The following DCBLD2 variants were observed in gnomAD, a reference collection of about 807,000 sequenced individuals.
The protein encoded by DCBLD2 is discoidin, CUB and LCCL domain containing 2.
Under a neutral mutation model 86.8 loss-of-function variants are expected in DCBLD2, and 54 were observed. The observed-to-expected ratio is 0.62, with a 90% CI of 0.50 to 0.78. The LOEUF is 0.78. Among genes scored for constraint, DCBLD2 ranks in the 30% least tolerant of loss-of-function variants. The probability of loss-of-function intolerance (pLI) is 0.00; values close to 1 mark genes in which losing one functional copy is unlikely to be tolerated. For missense variants in DCBLD2, 908 were observed against 954.2 expected (o/e 0.95, Z 0.64); for synonymous variants, 354 against 341.3 (o/e 1.04, Z -0.41).
intron 2 of DCBLD2, among the ~76,000 whole-genome samples, chr3:98,870,682 T>G (rs1397354010): frequency 8.5e-4 from 66 of 77,428 alleles, no homozygotes; most frequent in Admixed American, 1.6e-3. Context: ...GAGAGAGAAA[T>G]AGAGAAAGAA....
intron 2 of DCBLD2, among the ~76,000 whole-genome samples, chr3:98,870,736 A>AGAAAGAAAGAAAGAAAGAAAG (rs1943250939): frequency 1.2e-5 from 1 of 84,614 alleles, no homozygotes; most frequent in African/African-American, 4.9e-5. Flanking sequence ...GAAAAGAAAG[A>AGAAAGAAAGAAAGAAAGAAAG]AAAAGAAAGA....
intron 2 of DCBLD2, among the ~76,000 whole-genome samples, chr3:98,876,137 A>C (rs1317467388): frequency 6.6e-6 from 1 of 152,070 alleles, no homozygotes; most frequent in African/African-American, 2.4e-5. Context: ...AATTAGGAGA[A>C]ATTATTTGTA....
chr3:98,808,016 T>C, intron 13 of DCBLD2, 65 bp downstream of exon 13: 2 of 1,224,354 alleles, frequency 1.6e-6, no homozygotes, highest in Non-Finnish European at 2.2e-6. Flanking sequence ...ATTTTCATCT[T>C]CTATATTTAG....
chr3:98,822,316 T>C lies in DCBLD2; in HGVS notation c.742A>G (p.Asn248Asp), dbSNP rs750095019. 1.2e-6 allele frequency: 2 copies of C among 1,614,024 alleles called. No individual in the cohort carries two copies. The change falls in exon 6 of 16, where the codon AAC becomes GAC. Residue 248 changes from asparagine (N) to aspartate (D), a missense_variant. By Grantham distance (23) the Asn-to-Asp change is conservative. This residue lies in a region of DCBLD2 where 606 missense variants were observed against 678.5 expected (regional missense o/e 0.89). Coordinates refer to ENST00000326840, the MANE Select transcript of DCBLD2 (RefSeq NM_080927.4). ...ACACTGATTTGGCCGCCCAACGTGTTTGACACTACTCCTGCATGCACACCA... is the reference window on the plus strand; with the variant it reads ...ACACTGATTTGGCCGCCCAACGTGTCTGACACTACTCCTGCATGCACACCA... ...MAGVHAGVVS[N>D]TLGGQISVVI...
In DCBLD2 at chr3:98,901,293, A is replaced by G. The variant is rs1313936567; in HGVS notation, c.34T>C (p.Cys12Arg). The change falls in exon 1 of 16, where the codon TGC (cysteine) becomes CGC (arginine). Residue 12 changes from cysteine to arginine, a missense_variant. This residue lies in a region of DCBLD2 where 294 missense variants were observed against 256.0 expected (regional missense o/e 1.15). Transcript: ENST00000326840. ...ASRAVVRARRCPQCPQVRAAA... is the reference protein window; with the variant it reads ...ASRAVVRARRRPQCPQVRAAA... ...GCCCGGACTTGGGGACACTGCGGGC[A>G]GCGCCTGGCTCTCACCACCGCCCGG... The G allele has an allele frequency of 5.3e-6, 8 of 1,518,342 alleles. No homozygotes were observed. The South Asian group carries it at 8.6e-5, about 16-fold the overall frequency. 94.1% of individuals were successfully genotyped at this position (1,518,342 alleles called of 1,614,324 possible). A position where few individuals can be genotyped will look rare whatever the true frequency, so the allele number is the denominator to read the frequency against.
chr3:98,835,902 TTTTCTTTC>T (rs200797899), intron 3 of DCBLD2, among the ~76,000 whole-genome samples: 2 of 137,704 alleles, frequency 1.5e-5, no homozygotes, highest in African/African-American at 5.4e-5. Flanking sequence ...GGAGATGAAT[TTTTCTTTC>T]TTTCTTTCTT....
In DCBLD2 at chr3:98,800,723, T is replaced by C; in HGVS notation, c.1721-7A>G. On this transcript the variant is annotated splice_region_variant and splice_polypyrimidine_tract_variant and intron_variant, in intron 14 of 15. Coordinates refer to ENST00000326840, the MANE Select transcript of DCBLD2 (RefSeq NM_080927.4). ...TTCATTCCTTTCCACCAACCTTCAT[T>C]GTGACGGCAAGCCAAAGAGACCATT... The C allele has an allele frequency of 6.2e-7, 1 of 1,613,884 alleles. No individual in the cohort carries two copies. Among genetic ancestry groups the C allele is most frequent in the Non-Finnish European group, 8.5e-7 (1 of 1,179,832 alleles).
At chr3:98,807,809 G>T in intron 13 of DCBLD2, 1 of 206,412 alleles carries the variant, frequency 4.8e-6, no homozygotes, top group Non-Finnish European at 9.7e-6. Flanking sequence ...CATTCTTTAA[G>T]TAAATGTAAC....
At chr3:98,882,863 A>T (rs1943496585) in intron 1 of DCBLD2, among the ~76,000 whole-genome samples, 1 of 152,180 alleles carries the variant, frequency 6.6e-6, no homozygotes, top group Non-Finnish European at 1.5e-5. Context: ...GCTATTGTGA[A>T]TAGTGCCGCA....
intron 2 of DCBLD2, among the ~76,000 whole-genome samples, chr3:98,870,571 A>C (rs1371394711): frequency 6.6e-6 from 1 of 151,322 alleles, no homozygotes; most frequent in African/African-American, 2.4e-5. Flanking sequence ...CCAAGATTGC[A>C]CAACTGCACT....
intron 2 of DCBLD2, among the ~76,000 whole-genome samples, chr3:98,866,267 T>A (rs1333331228): frequency 1.3e-5 from 2 of 152,170 alleles, no homozygotes; most frequent in African/African-American, 4.8e-5. Flanking sequence ...TAGTTCTAGA[T>A]CCCTGAGGAA....
chr3:98,803,453 A>T (rs1480546455), intron 13 of DCBLD2, among the ~76,000 whole-genome samples: 1 of 152,186 alleles, frequency 6.6e-6, no homozygotes, highest in Non-Finnish European at 1.5e-5. Flanking sequence ...GGCTGAGATG[A>T]TGGGGTTTTC....
At chr3:98,801,038 A>G (rs920996325) in intron 14 of DCBLD2, among the ~76,000 whole-genome samples, 3 of 152,324 alleles carry the variant, frequency 2.0e-5, no homozygotes, top group Non-Finnish European at 4.4e-5. Flanking sequence ...CTGGGGCACT[A>G]GCTGCCCTTT....
At chr3:98,851,153 T>C (rs1234193264) in intron 2 of DCBLD2, among the ~76,000 whole-genome samples, 2 of 152,154 alleles carry the variant, frequency 1.3e-5, no homozygotes, top group East Asian at 1.9e-4. Context: ...GGAAGTAAAA[T>C]TGTCTTTGTT....
At chr3:98,857,048 G>A (rs927542484) in intron 2 of DCBLD2, among the ~76,000 whole-genome samples, 8 of 152,198 alleles carry the variant, frequency 5.3e-5, no homozygotes, top group African/African-American at 1.9e-4. Context: ...TGGCATGTCC[G>A]GAGTTTGTTC....
At chr3:98,859,570 T>C (rs1282638963) in intron 2 of DCBLD2, among the ~76,000 whole-genome samples, 1 of 152,144 alleles carries the variant, frequency 6.6e-6, no homozygotes, top group Non-Finnish European at 1.5e-5. Flanking sequence ...TGTTCAGCAA[T>C]ATTCACTGTT....
rs572570534 is a variant in DCBLD2 at position 98,870,896 on chromosome 3, T to C, written c.433+10644A>G. ...GGGCAGTATGGTCATTTTCACAATA[T>C]TGATTCTTTTAATTCATGAACATAG... is the stretch of plus-strand genomic sequence containing the variant. On this transcript the variant is annotated intron_variant, in intron 2 of 15. Transcript: ENST00000326840. Among the ~76,000 whole-genome samples, 3 of 152,220 alleles carry C rather than the reference T, an allele frequency of 2.0e-5. No individual in the cohort carries two copies. The South Asian group carries it at 6.2e-4, about 32-fold the overall frequency.
At chr3:98,860,990 CAG>C in intron 2 of DCBLD2, among the ~76,000 whole-genome samples, 1 of 152,168 alleles carries the variant, frequency 6.6e-6, no homozygotes. Flanking sequence ...ATCTCACATG[CAG>C]AGACACACAT....
At position 98,889,758 on chromosome 3, in the gene DCBLD2, C is replaced by T. The variant is rs556526620; in HGVS notation, c.206-7991G>A. Among the ~76,000 whole-genome samples, 6 of 152,050 alleles carry T rather than the reference C, an allele frequency of 3.9e-5. No homozygotes were observed. In the South Asian group the frequency reaches 1.2e-3, roughly 32 times the overall value. Reference sequence around the variant, plus strand: ...GACAGTTTTAACATTTTACTGATTCCCTCATTAATGAATGAGTTGAACAAA... The same window carrying T: ...GACAGTTTTAACATTTTACTGATTCTCTCATTAATGAATGAGTTGAACAAA... On this transcript the variant is annotated intron_variant, in intron 1 of 15. Transcript: ENST00000326840.
Sources: allele counts gnomAD v4.1 joint callset (sites outside exome capture counted in the v4.1 genomes callset), GRCh38; gene constraint gnomAD v4.1.1; regional missense constraint gnomAD v4.1.1; transcripts MANE v1.5; gene names NCBI Gene and HGNC (gene_info 2026-07-23, HGNC 2026-07-21).